The following RBL1 variants were observed in gnomAD, a reference collection of about 807,000 sequenced individuals.
RBL1 encodes the protein RB transcriptional corepressor like 1, also known as retinoblastoma-like protein 1.
Under a neutral mutation model 123.0 loss-of-function variants are expected in RBL1, and 82 were observed. The ratio of observed to expected loss-of-function variants is 0.67; its 90% CI spans 0.56 to 0.80. The LOEUF is 0.80. Among genes scored for constraint, RBL1 ranks in the 30% least tolerant of loss-of-function variants. The pLI is 0.00. For synonymous variants in RBL1, 405 were observed against 441.3 expected, an observed-to-expected ratio of 0.92 and a Z score of 1.03; for missense variants, 1,171 against 1,299.6, an observed-to-expected ratio of 0.90 and a Z score of 1.52.
intron 15 of RBL1, among the ~76,000 whole-genome samples, chr20:37,034,947 T>C (rs889599467): frequency 6.6e-6 from 1 of 152,052 alleles, no homozygotes; most frequent in African/African-American, 2.4e-5. Flanking sequence ...AATGTGTCAG[T>C]AATGTAGGTT....
intron 21 of RBL1, 77 bp downstream of exon 21, chr20:37,003,625 G>T: frequency 8.7e-7 from 1 of 1,150,962 alleles, no homozygotes; most frequent in Non-Finnish European, 1.2e-6. Context: ...GGCCAAAAAA[G>T]AAAAAAAAAA....
chr20:37,019,123 A>G (rs1426249239), intron 18 of RBL1, among the ~76,000 whole-genome samples: 2 of 151,314 alleles, frequency 1.3e-5, no homozygotes, highest in African/African-American at 4.9e-5. Flanking sequence ...GGCTCACTGT[A>G]GCCTTGACCT....
At chr20:37,011,346 GA>G (rs1010164851) in intron 19 of RBL1, among the ~76,000 whole-genome samples, 1 of 151,706 alleles carries the variant, frequency 6.6e-6, no homozygotes, top group African/African-American at 2.4e-5. Context: ...TTTTAATCAG[GA>G]AATTCATTCT....
At chr20:37,030,100 C>CA (rs2064482562) in intron 16 of RBL1, among the ~76,000 whole-genome samples, 1 of 152,146 alleles carries the variant, frequency 6.6e-6, no homozygotes, top group Non-Finnish European at 1.5e-5. Context: ...AAAACTCATA[C>CA]AGACTCTCAA....
intron 11 of RBL1, among the ~76,000 whole-genome samples, chr20:37,047,835 C>G (rs1190291948): frequency 6.6e-6 from 1 of 151,920 alleles, no homozygotes; most frequent in Non-Finnish European, 1.5e-5. Flanking sequence ...CAAAAATTAG[C>G]TGGGTGTGGT....
At chr20:37,061,597 T>C (rs2065096434) in intron 8 of RBL1, among the ~76,000 whole-genome samples, 1 of 152,226 alleles carries the variant, frequency 6.6e-6, no homozygotes, top group Non-Finnish European at 1.5e-5. Context: ...ACTTAGGTTT[T>C]ACTATGTTCT....
chr20:37,067,918 CA>C, intron 3 of RBL1, 67 bp downstream of exon 3: 2 of 1,516,250 alleles, frequency 1.3e-6, no homozygotes, highest in East Asian at 2.3e-5. Flanking sequence ...AACAGACTTT[CA>C]AAAAAGTATA....
At chr20:37,072,446 G>T (rs2065297073) in intron 2 of RBL1, among the ~76,000 whole-genome samples, 2 of 152,104 alleles carry the variant, frequency 1.3e-5, no homozygotes, top group Admixed American at 1.3e-4. Context: ...AAGTTGCGGT[G>T]AGCTGAGATC....
intron 16 of RBL1, among the ~76,000 whole-genome samples, chr20:37,027,895 C>T (rs1204124282): frequency 6.6e-6 from 1 of 152,138 alleles, no homozygotes; most frequent in Non-Finnish European, 1.5e-5. Context: ...GCTGGGACTA[C>T]AGGCATGGGC....
rs1254543071 is a variant in RBL1, at chr20:37,068,087, C to T, written c.390G>A (p.Glu130=). ...ATTTTTTGAATATTACAGTAGACAC[C>T]TCAAAATTTCTCTCTAGCCTTTCTA... The part of the protein sequence containing the change: ...ERIERLERNF[E]VSTVIFKKYE... Residue 130 remains glutamate, a synonymous_variant, in exon 3 of 22, where the codon GAG becomes GAA. Transcript: ENST00000373664. 6.2e-7 allele frequency: 1 copy of T among 1,613,234 alleles called. No homozygotes were observed. The highest frequency in any genetic ancestry group is 1.7e-5 in the Admixed American group (1 of 59,930).
At chr20:37,085,972 G>T (rs978159054) in intron 2 of RBL1, among the ~76,000 whole-genome samples, 13 of 151,922 alleles carry the variant, frequency 8.6e-5, no homozygotes, top group African/African-American at 2.9e-4. Flanking sequence ...TTGAAATGGA[G>T]TCTTGCTCTG....
At chr20:37,016,021 GT>G (rs1205524942) in intron 19 of RBL1, among the ~76,000 whole-genome samples, 12,550 of 112,468 alleles carry the variant, frequency 0.11, 870 homozygotes, top group East Asian at 0.39. Context: ...GTGCCCAGCG[GT>G]TTTTTTTTTT....
chr20:37,009,435 T>C (rs1164094604), intron 19 of RBL1, among the ~76,000 whole-genome samples: 1 of 151,926 alleles, frequency 6.6e-6, no homozygotes, highest in Non-Finnish European at 1.5e-5. Context: ...AATTATTTTT[T>C]TGTTTTGTTT....
rs367617244 is a variant in RBL1, at chr20:37,035,417, G to T, written c.1995C>A (p.Pro665=). ...SAKRRLFGED[P]PKEMLMDKII... ...TCTTGTCCATAAGCATTTCCTTTGGGGGGTCCTCTCCAAAGAGTCTTCTCT... is the reference window on the plus strand; with the variant it reads ...TCTTGTCCATAAGCATTTCCTTTGGTGGGTCCTCTCCAAAGAGTCTTCTCT... Residue 665 remains proline, a synonymous_variant, in exon 15 of 22, where the codon CCC becomes CCA. Coordinates refer to ENST00000373664, the MANE Select transcript of RBL1 (RefSeq NM_002895.5). The T allele has an allele frequency of 2.5e-6, 4 of 1,613,862 alleles. No homozygotes were observed. The African/African-American group carries it at 5.3e-5, about 22-fold the overall frequency.
At chr20:37,047,489 T>A (rs188052630) in intron 11 of RBL1, among the ~76,000 whole-genome samples, 28 of 152,308 alleles carry the variant, frequency 1.8e-4, no homozygotes, top group Non-Finnish European at 2.8e-4. Flanking sequence ...TTTTTCTTAA[T>A]GACAGTTAAT....
chr20:37,084,470 A>G (rs1040060831), intron 2 of RBL1, among the ~76,000 whole-genome samples: 23 of 152,188 alleles, frequency 1.5e-4, no homozygotes, highest in Admixed American at 2.0e-4. Context: ...AGCAACACAT[A>G]TAGTATAATT....
chr20:37,024,550 A>G (rs2064391113), intron 16 of RBL1, among the ~76,000 whole-genome samples: 2 of 152,202 alleles, frequency 1.3e-5, no homozygotes, highest in South Asian at 2.1e-4. Context: ...CATCACACTG[A>G]GTTCAGCATA....
At chr20:36,999,792 T>G (rs2063936651) in intron 21 of RBL1, among the ~76,000 whole-genome samples, 1 of 152,230 alleles carries the variant, frequency 6.6e-6, no homozygotes, top group Non-Finnish European at 1.5e-5. Flanking sequence ...GTTTACTCAG[T>G]GCTCAATGGT....
intron 2 of RBL1, chr20:37,081,924 G>A: frequency 2.2e-6 from 1 of 449,662 alleles, no homozygotes; most frequent in Non-Finnish European, 4.5e-6. Flanking sequence ...TTGGGTGAAT[G>A]GTACCAAGGC....
Sources: allele counts gnomAD v4.1 joint callset (sites outside exome capture counted in the v4.1 genomes callset), GRCh38; gene constraint gnomAD v4.1.1; transcripts MANE v1.5; gene names NCBI Gene and HGNC (gene_info 2026-07-23, HGNC 2026-07-21).